Variants in EYS observed in about 807,000 individuals in gnomAD.
EYS encodes EGF-like photoreceptor maintenance factor, also known as protein eyes shut homolog.
A neutral mutation model predicts 282.1 loss-of-function variants in EYS; 250 were observed. That is an observed-to-expected ratio of 0.89 (90% CI 0.80 to 0.98). The LOEUF (loss-of-function observed/expected upper bound fraction) is 0.98, where lower values mean the gene tolerates loss of function less well. Among genes scored for constraint, EYS ranks in the 50% least tolerant of loss-of-function variants. The pLI is 0.00. For synonymous variants in EYS, 1,355 were observed against 1,282.9 expected (o/e 1.06, Z -1.20); for missense variants, 4,016 against 3,709.0 (o/e 1.08, Z -2.15).
At chr6:64,289,130 AG>A (rs966688119) in intron 30 of EYS, among the ~76,000 whole-genome samples, 3 of 152,054 alleles carry the variant, frequency 2.0e-5, no homozygotes, top group African/African-American at 7.2e-5. Flanking sequence ...TTATGTTTTC[AG>A]GCTTATCAAT....
At chr6:64,736,242 A>C (rs187696349) in intron 22 of EYS, among the ~76,000 whole-genome samples, 1 of 152,244 alleles carries the variant, frequency 6.6e-6, no homozygotes, top group Admixed American at 6.5e-5. Context: ...AGAAACTTCT[A>C]TGAATATTAC....
chr6:64,795,840 A>G (rs150407222), intron 22 of EYS, among the ~76,000 whole-genome samples: 2 of 152,184 alleles, frequency 1.3e-5, no homozygotes, highest in African/African-American at 4.8e-5. Flanking sequence ...TTTCAAACAT[A>G]TACATGCTCA....
At chr6:64,517,324 T>C (rs537314459) in intron 26 of EYS, among the ~76,000 whole-genome samples, 3 of 151,862 alleles carry the variant, frequency 2.0e-5, no homozygotes, top group Admixed American at 2.0e-4. Flanking sequence ...CTGTACACTG[T>C]AGGATAATTT....
chr6:63,775,857 C>T (rs1436242826), intron 40 of EYS, among the ~76,000 whole-genome samples: 1 of 152,028 alleles, frequency 6.6e-6, no homozygotes, highest in East Asian at 1.9e-4. Context: ...ATTTACTTAC[C>T]ATAAAATTCA....
At chr6:64,291,769 AAAAAT>A (rs1768718669) in intron 30 of EYS, among the ~76,000 whole-genome samples, 1 of 152,148 alleles carries the variant, frequency 6.6e-6, no homozygotes, top group Non-Finnish European at 1.5e-5. Context: ...TTACTGGAAT[AAAAAT>A]AAAGTAGATA....
chr6:64,845,888 CTT>C (rs1765700204), intron 19 of EYS, among the ~76,000 whole-genome samples: 1 of 152,044 alleles, frequency 6.6e-6, no homozygotes, highest in African/African-American at 2.4e-5. Context: ...ATTTCTAATA[CTT>C]TTATAAGTCT....
At chr6:65,504,020 C>G (rs1032322917) in intron 2 of EYS, among the ~76,000 whole-genome samples, 5 of 151,632 alleles carry the variant, frequency 3.3e-5, no homozygotes, top group Middle Eastern at 3.2e-3. Flanking sequence ...TGGGATTGTA[C>G]TGAATCTATG....
At chr6:64,017,353 T>G (rs936529776) in intron 33 of EYS, among the ~76,000 whole-genome samples, 2 of 151,858 alleles carry the variant, frequency 1.3e-5, no homozygotes, top group Non-Finnish European at 2.9e-5. Context: ...ATGCTGGGGG[T>G]GGGAGATCTG....
chr6:65,256,482 A>C (rs1767470260), intron 12 of EYS, among the ~76,000 whole-genome samples: 1 of 124,318 alleles, frequency 8.0e-6, no homozygotes, highest in African/African-American at 3.3e-5. Context: ...ATGCGATCTC[A>C]TTGTTCAATT....
At chr6:64,303,284 C>T (rs1769299854) in intron 30 of EYS, among the ~76,000 whole-genome samples, 1 of 152,194 alleles carries the variant, frequency 6.6e-6, no homozygotes. Context: ...AGTAACACTA[C>T]AGGTCACTCC....
intron 18 of EYS, among the ~76,000 whole-genome samples, chr6:64,900,497 T>A (rs186108409): frequency 6.6e-6 from 1 of 152,206 alleles, no homozygotes; most frequent in East Asian, 1.9e-4. Context: ...AAATGGCTAA[T>A]ATACAGAATC....
intron 37 of EYS, among the ~76,000 whole-genome samples, chr6:63,795,564 T>C (rs1319959855): frequency 6.6e-6 from 1 of 152,230 alleles, no homozygotes; most frequent in Non-Finnish European, 1.5e-5. Flanking sequence ...AAAATGTTTT[T>C]GTCACAAGCC....
chr6:65,086,904 C>A (rs941405335), intron 12 of EYS, among the ~76,000 whole-genome samples: 11 of 151,804 alleles, frequency 7.2e-5, no homozygotes, highest in Non-Finnish European at 1.6e-4. Context: ...GCTCACTGCA[C>A]CTCCACCTCC....
At chr6:64,344,392 G>C (rs1771279715) in intron 29 of EYS, among the ~76,000 whole-genome samples, 1 of 151,986 alleles carries the variant, frequency 6.6e-6, no homozygotes, top group African/African-American at 2.4e-5. Flanking sequence ...GGGATGCAAG[G>C]CTGGTTCAAC....
intron 19 of EYS, among the ~76,000 whole-genome samples, chr6:64,884,738 T>C (rs1429259487): frequency 5.3e-5 from 8 of 151,712 alleles, no homozygotes; most frequent in African/African-American, 1.9e-4. Flanking sequence ...GAAAACTTCT[T>C]TTTGAATGTC....
At position 65,490,662 on chromosome 6, in the gene EYS, C is replaced by G; in HGVS notation, c.794G>C (p.Cys265Ser). Residue 265 changes from cysteine to serine, a missense_variant, in exon 5 of 43, where the codon TGT becomes TCT. Physicochemically the swap from Cys to Ser is moderately radical, Grantham distance 112. Transcript: ENST00000503581. ...EIIGQCQPHV[C>S]FHGNCSNITS... is the part of the protein sequence containing the mutation. ...AATATTGCTGCAGTTTCCATGGAAA[C>G]AGACATGTGGTTGACACTGGCCAAT... 6.2e-7 allele frequency: 1 copy of G among 1,612,810 alleles called. No individual in the cohort carries two copies. The highest frequency in any genetic ancestry group is 8.5e-7 in the Non-Finnish European group (1 of 1,179,232).
At chr6:65,143,831 C>G (rs777314568) in intron 12 of EYS, among the ~76,000 whole-genome samples, 7 of 152,068 alleles carry the variant, frequency 4.6e-5, no homozygotes, top group Non-Finnish European at 8.8e-5. Context: ...TTATTGCTAT[C>G]ATCTGGCACA....
At chr6:65,421,361 C>T (rs1767449078) in intron 5 of EYS, among the ~76,000 whole-genome samples, 1 of 151,836 alleles carries the variant, frequency 6.6e-6, no homozygotes, top group Non-Finnish European at 1.5e-5. Context: ...ATACCTTCCT[C>T]ACCTCTCTCA....
intron 2 of EYS, among the ~76,000 whole-genome samples, chr6:65,602,756 AG>A (rs1765655154): frequency 6.6e-6 from 1 of 152,036 alleles, no homozygotes; most frequent in Non-Finnish European, 1.5e-5. Flanking sequence ...TCTGAATGAA[AG>A]AGTGATGTGA....
Sources: gnomAD v4.1 joint callset for allele counts (sites outside exome capture counted in the v4.1 genomes callset) on GRCh38, gnomAD v4.1.1 for gene constraint, MANE v1.5 for transcripts, NCBI Gene and HGNC (gene_info 2026-07-23, HGNC 2026-07-21) for gene names.